Variants in NTM observed in about 807,000 individuals in gnomAD.
NTM encodes IgLON family member 2.
A neutral mutation model predicts 42.1 loss-of-function variants in NTM; 13 were observed. That is an observed-to-expected ratio of 0.31 (90% CI 0.20 to 0.49). The LOEUF is 0.49. Among genes scored for constraint, NTM ranks in the 20% least tolerant of loss-of-function variants. NTM has a pLI of 0.99. For missense variants in NTM, 373 were observed against 452.8 expected (o/e 0.82, Z 1.60); for synonymous variants, 187 against 179.2 (o/e 1.04, Z -0.35).
chr11:131,643,739 T>C, intron 1 of NTM, among the ~76,000 whole-genome samples: 1 of 152,122 alleles, frequency 6.6e-6, no homozygotes, highest in South Asian at 2.1e-4. Flanking sequence ...AATAACACAG[T>C]GCAGAAACGT....
intron 1 of NTM, among the ~76,000 whole-genome samples, chr11:131,454,333 C>A (rs377758657): frequency 6.6e-6 from 1 of 152,210 alleles, no homozygotes; most frequent in Non-Finnish European, 1.5e-5. Flanking sequence ...GTTTCACACA[C>A]CCAGTGGAAG....
chr11:131,633,675 CT>C (rs1264170557), intron 1 of NTM, among the ~76,000 whole-genome samples: 11 of 126,208 alleles, frequency 8.7e-5, no homozygotes, highest in African/African-American at 1.6e-4. Flanking sequence ...CCCTCTCTCC[CT>C]CCCTCTCTCT....
intron 7 of NTM, chr11:132,317,730 C>T (rs2095468548): frequency 7.9e-7 from 1 of 1,259,560 alleles, no homozygotes; most frequent in Non-Finnish European, 1.1e-6. Context: ...CTCCCCTTCC[C>T]TCTATCCCAG....
At chr11:132,220,156 C>T (rs2084841395) in intron 4 of NTM, among the ~76,000 whole-genome samples, 1 of 152,076 alleles carries the variant, frequency 6.6e-6, no homozygotes, top group African/African-American at 2.4e-5. Flanking sequence ...ACCTGTGAAA[C>T]ATAGAGCATT....
At chr11:131,784,805 C>T (rs181061509) in intron 1 of NTM, among the ~76,000 whole-genome samples, 106 of 152,288 alleles carry the variant, frequency 7.0e-4, no homozygotes, top group African/African-American at 2.5e-3. Flanking sequence ...CACAATCGTT[C>T]TAAATCTATC....
At chr11:132,315,864 G>A (rs1401892536) in intron 7 of NTM, among the ~76,000 whole-genome samples, 2 of 152,310 alleles carry the variant, frequency 1.3e-5, no homozygotes, top group Middle Eastern at 3.4e-3. Flanking sequence ...GGGCAGAGCT[G>A]TGATTTGAGT....
At chr11:132,078,133 C>T (rs2058596586) in intron 2 of NTM, among the ~76,000 whole-genome samples, 1 of 152,200 alleles carries the variant, frequency 6.6e-6, no homozygotes, top group Non-Finnish European at 1.5e-5. Flanking sequence ...TGACACTAAA[C>T]CAAATGGACA....
chr11:131,581,008 T>G (rs1369192332), intron 1 of NTM, among the ~76,000 whole-genome samples: 1 of 152,136 alleles, frequency 6.6e-6, no homozygotes, highest in Non-Finnish European at 1.5e-5. Flanking sequence ...GCAATAAAAT[T>G]TTAGGGAATT....
In NTM at chr11:131,674,693, G is replaced by GA. The variant is rs368529348; in HGVS notation, c.83-236869dup. On this transcript the variant is annotated intron_variant, in intron 1 of 8. Coordinates refer to ENST00000683400, the MANE Select transcript of NTM (RefSeq NM_001352005.2). ...TTATTGTTCCCATTTGCAGTTACAA[G>GA]AATATTGCCATTGTTATTTGCAAGC... Among the ~76,000 whole-genome samples the GA allele has an allele frequency of 1.6e-3, 240 of 152,292 alleles. 1 individual carries two copies. The highest frequency in any genetic ancestry group is 5.3e-3 in the African/African-American group (221 of 41,540).
At chr11:131,514,241 C>CT (rs1273084425) in intron 1 of NTM, among the ~76,000 whole-genome samples, 1 of 152,092 alleles carries the variant, frequency 6.6e-6, no homozygotes, top group Non-Finnish European at 1.5e-5. Context: ...AGGCCCTTGA[C>CT]TTTTTTAAGT....
At chr11:131,946,022 T>G (rs185291451) in intron 2 of NTM, among the ~76,000 whole-genome samples, 1 of 152,244 alleles carries the variant, frequency 6.6e-6, no homozygotes, top group Admixed American at 6.5e-5. Flanking sequence ...CTGGGGTTAG[T>G]TACATAAGAG....
In NTM at chr11:132,047,634, C is replaced by G. The variant is rs2078206996; in HGVS notation, c.168-98648C>G. Among the ~76,000 whole-genome samples, 3 of 152,238 alleles carry G rather than the reference C, an allele frequency of 2.0e-5. No homozygotes were observed. In the South Asian group the frequency reaches 6.2e-4, roughly 32 times the overall value. Reference sequence around the variant, plus strand: ...TGGCATTCTGAGCAGATAGCAGCCTCCTAGCCATAGCTCTGTTCTTGACCC... The same window carrying G: ...TGGCATTCTGAGCAGATAGCAGCCTGCTAGCCATAGCTCTGTTCTTGACCC... On this transcript the variant is annotated intron_variant, in intron 2 of 8. Transcript: ENST00000683400.
intron 3 of NTM, among the ~76,000 whole-genome samples, chr11:132,164,569 G>A (rs1399268584): frequency 1.3e-5 from 2 of 152,178 alleles, no homozygotes; most frequent in Non-Finnish European, 2.9e-5. Flanking sequence ...GTCACCTGTG[G>A]AACCTCGGTG....
At chr11:132,085,264 C>A (rs1212654645) in intron 2 of NTM, among the ~76,000 whole-genome samples, 1 of 152,214 alleles carries the variant, frequency 6.6e-6, no homozygotes, top group Non-Finnish European at 1.5e-5. Flanking sequence ...GTCTCAATTA[C>A]ATGTTATAAT....
intron 4 of NTM, among the ~76,000 whole-genome samples, chr11:132,289,849 C>T (rs1044255336): frequency 2.6e-5 from 4 of 152,172 alleles, no homozygotes; most frequent in African/African-American, 4.8e-5. Context: ...TGGACTTCCC[C>T]GGACTCTCCG....
chr11:131,735,835 GGTGTGTGTGTGTGTGTGTGT>G (rs398018112), intron 1 of NTM, among the ~76,000 whole-genome samples: 13 of 121,298 alleles, frequency 1.1e-4, no homozygotes, highest in Non-Finnish European at 2.3e-4. Context: ...CCATTCATAA[GGTGTGTGTGTGTGTGTGTGT>G]GTGTGTGTGT....
chr11:132,272,255 A>G (rs2093516616), intron 4 of NTM, among the ~76,000 whole-genome samples: 1 of 152,120 alleles, frequency 6.6e-6, no homozygotes, highest in Non-Finnish European at 1.5e-5. Context: ...TCCTTATGCC[A>G]GTATCACAGT....
At position 131,789,543 on chromosome 11, in the gene NTM, AAGAAAAGAAGAAGAAGAAG is replaced by A. The variant is rs2090249656; in HGVS notation, c.83-122019_83-122001del. Among the ~76,000 whole-genome samples, 6 of 25,278 alleles carry A rather than the reference AAGAAAAGAAGAAGAAGAAG, an allele frequency of 2.4e-4. 1 individual carries two copies. Among genetic ancestry groups the A allele is most frequent in the Non-Finnish European group, 4.1e-4 (6 of 14,698 alleles). The allele number at this position is 25,278 out of a possible 152,430, so 16.6% of individuals were successfully genotyped here. On this transcript the variant is annotated intron_variant, in intron 1 of 8. Coordinates refer to ENST00000683400, the MANE Select transcript of NTM (RefSeq NM_001352005.2). ...GAAGAAGAAGAAGAAGAAGAAGAAG[AAGAAAAGAAGAAGAAGAAG>A]AAGAAGAAGAAGAAGAAGAAGAAGA...
At position 132,246,210 on chromosome 11, in the gene NTM, G is replaced by A. The variant is rs190773604; in HGVS notation, c.526+34063G>A. ...TGATTCAGGCAAAGGGGCCTTTGCC[G>A]CACCTCCCGCACAGGTGGGACTCCT... On this transcript the variant is annotated intron_variant, in intron 4 of 8. Transcript: ENST00000683400. 8.0e-4 allele frequency among the ~76,000 whole-genome samples: 122 copies of A among 152,298 alleles called. 2 individuals carry two copies. The highest frequency in any genetic ancestry group is 2.2e-3 in the African/African-American group (90 of 41,568).
Sources: allele counts gnomAD v4.1 joint callset (sites outside exome capture counted in the v4.1 genomes callset), GRCh38; gene constraint gnomAD v4.1.1; transcripts MANE v1.5; gene names NCBI Gene and HGNC (gene_info 2026-07-23, HGNC 2026-07-21).